Variants in EFNA5 observed in about 807,000 individuals in gnomAD.
EFNA5 encodes the protein ephrin A5.
A neutral mutation model predicts 22.9 loss-of-function variants in EFNA5; 5 were observed. The ratio of observed to expected loss-of-function variants is 0.22; its 90% CI spans 0.11 to 0.46. The LOEUF is 0.46. Among genes scored for constraint, EFNA5 ranks in the 20% least tolerant of loss-of-function variants. The pLI is 0.99. For synonymous variants in EFNA5, 113 were observed against 112.2 expected, an observed-to-expected ratio of 1.01 and a Z score of -0.04; for missense variants, 237 against 293.3, an observed-to-expected ratio of 0.81 and a Z score of 1.40.
intron 2 of EFNA5, among the ~76,000 whole-genome samples, chr5:107,417,006 GA>G (rs3839266): frequency 2.0e-5 from 3 of 149,318 alleles, no homozygotes; most frequent in East Asian, 2.0e-4. Flanking sequence ...AAATGTCTGT[GA>G]AAAAAAAAAT....
chr5:107,416,075 A>G (rs1348587729), intron 2 of EFNA5, among the ~76,000 whole-genome samples: 5 of 152,214 alleles, frequency 3.3e-5, no homozygotes, highest in African/African-American at 1.2e-4. Flanking sequence ...CTTCATCACA[A>G]TTGAAACAGG....
chr5:107,587,505 C>T (rs74755298), intron 1 of EFNA5, among the ~76,000 whole-genome samples: 6 of 152,144 alleles, frequency 3.9e-5, no homozygotes, highest in African/African-American at 7.2e-5. Flanking sequence ...CTTGTTTTTG[C>T]CACCTATAGT....
At chr5:107,524,426 T>A (rs1864919) in intron 1 of EFNA5, among the ~76,000 whole-genome samples, 1,584 of 152,172 alleles carry the variant, frequency 0.01, 25 homozygotes, top group African/African-American at 0.036. Flanking sequence ...AATAGGAAAA[T>A]GTCTAAGCAT....
At chr5:107,421,965 A>AT (rs1748680568) in intron 2 of EFNA5, among the ~76,000 whole-genome samples, 1 of 151,830 alleles carries the variant, frequency 6.6e-6, no homozygotes, top group African/African-American at 2.4e-5. Flanking sequence ...CTAATTTTGC[A>AT]TTTTTAGTAG....
At chr5:107,396,494 G>T (rs1399743985) in intron 2 of EFNA5, among the ~76,000 whole-genome samples, 3 of 152,204 alleles carry the variant, frequency 2.0e-5, no homozygotes, top group African/African-American at 7.2e-5. Context: ...TCTGCATGGG[G>T]ATATCCCTAA....
chr5:107,439,415 G>C (rs1749199319), intron 1 of EFNA5, among the ~76,000 whole-genome samples: 1 of 152,196 alleles, frequency 6.6e-6, no homozygotes, highest in South Asian at 2.1e-4. Flanking sequence ...AATATGAGCA[G>C]TTTAACATTA....
At chr5:107,491,148 C>T (rs995311779) in intron 1 of EFNA5, among the ~76,000 whole-genome samples, 1 of 152,228 alleles carries the variant, frequency 6.6e-6, no homozygotes, top group Admixed American at 6.5e-5. Context: ...CCATTAGGGA[C>T]AGGACATAGG....
At chr5:107,547,529 A>C (rs1441824901) in intron 1 of EFNA5, among the ~76,000 whole-genome samples, 6 of 137,716 alleles carry the variant, frequency 4.4e-5, no homozygotes, top group African/African-American at 1.5e-4. Context: ...TGATGTTCCA[A>C]AAAAAAAAAA....
At chr5:107,590,838 C>G (rs1454602361) in intron 1 of EFNA5, among the ~76,000 whole-genome samples, 2 of 152,154 alleles carry the variant, frequency 1.3e-5, no homozygotes, top group African/African-American at 2.4e-5. Context: ...GCAAACATAA[C>G]TCCTTTAGTC....
chr5:107,537,512 T>C (rs1580518773), intron 1 of EFNA5, among the ~76,000 whole-genome samples: 1 of 152,068 alleles, frequency 6.6e-6, no homozygotes, highest in Non-Finnish European at 1.5e-5. Context: ...GGCAGGAAAA[T>C]CCCTTGAACA....
intron 1 of EFNA5, among the ~76,000 whole-genome samples, chr5:107,581,550 C>T (rs1360863743): frequency 1.3e-5 from 2 of 152,228 alleles, no homozygotes; most frequent in Middle Eastern, 3.2e-3. Flanking sequence ...CCAAAGCCAT[C>T]TACACTAGTG....
At chr5:107,605,467 A>G (rs888594811) in intron 1 of EFNA5, among the ~76,000 whole-genome samples, 2 of 152,248 alleles carry the variant, frequency 1.3e-5, no homozygotes, top group African/African-American at 2.4e-5. Flanking sequence ...ATAGTGAGAA[A>G]CCTTATAGGA....
At chr5:107,394,638 GTTT>G (rs1747874219) in intron 2 of EFNA5, among the ~76,000 whole-genome samples, 3 of 152,146 alleles carry the variant, frequency 2.0e-5, no homozygotes, top group Non-Finnish European at 4.4e-5. Flanking sequence ...CCTACCCACT[GTTT>G]GCCTTCCCTC....
At chr5:107,615,656 G>A (rs17160255) in intron 1 of EFNA5, among the ~76,000 whole-genome samples, 26,144 of 152,060 alleles carry the variant, frequency 0.17, 2,957 homozygotes, top group South Asian at 0.42. Flanking sequence ...CTAGAGAGCA[G>A]ACCAAAAAAC....
chr5:107,434,306 G>A (rs1214230257), intron 1 of EFNA5, among the ~76,000 whole-genome samples: 2 of 152,018 alleles, frequency 1.3e-5, no homozygotes, highest in African/African-American at 4.8e-5. Context: ...TCATGGTGCC[G>A]ACCTGACTTC....
chr5:107,670,074 G>A (rs1476290197), intron 1 of EFNA5, among the ~76,000 whole-genome samples: 2 of 149,636 alleles, frequency 1.3e-5, no homozygotes, highest in Non-Finnish European at 3.0e-5. Flanking sequence ...GATGTTTGGC[G>A]GGTTCTCTCC....
rs70996962 is a variant in EFNA5, at chr5:107,569,559, TTATATATATATATATATATATATA to T, written c.125+100906_125+100929del. ...TATATATATGTGTGTATATATATATTTATATATATATATATATATATATATATATATATATATTCCCAGCTCTTT... is the reference window on the plus strand; with the variant it reads ...TATATATATGTGTGTATATATATATTTATATATATATATTCCCAGCTCTTT... On this transcript the variant is annotated intron_variant, in intron 1 of 4. Transcript: ENST00000333274. 3.3e-4 allele frequency among the ~76,000 whole-genome samples: 14 copies of T among 42,530 alleles called. 1 individual carries two copies. Among genetic ancestry groups the T allele is most frequent in the Admixed American group, 1.6e-3 (6 of 3,778 alleles). The allele number at this position is 42,530 out of a possible 152,430, so 27.9% of individuals were successfully genotyped here. A position where few individuals can be genotyped will look rare whatever the true frequency, so the allele number is the denominator to read the frequency against.
intron 1 of EFNA5, among the ~76,000 whole-genome samples, chr5:107,594,985 A>T (rs1223223828): frequency 6.6e-6 from 1 of 152,180 alleles, no homozygotes; most frequent in Non-Finnish European, 1.5e-5. Context: ...CAGATAGTTT[A>T]ATTTTGTGTA....
chr5:107,466,276 CA>C (rs1393715604), intron 1 of EFNA5, among the ~76,000 whole-genome samples: 1 of 152,090 alleles, frequency 6.6e-6, no homozygotes, highest in Non-Finnish European at 1.5e-5. Flanking sequence ...CATGATGTGT[CA>C]AAGGTGCAGG....
Sources: gnomAD v4.1 joint callset for allele counts (sites outside exome capture counted in the v4.1 genomes callset) on GRCh38, gnomAD v4.1.1 for gene constraint, MANE v1.5 for transcripts, NCBI Gene and HGNC (gene_info 2026-07-23, HGNC 2026-07-21) for gene names.